The following NPRL3 variants were observed in gnomAD, a reference collection of about 807,000 sequenced individuals.
NPRL3 encodes the protein GATOR1 complex protein NPRL3.
In NPRL3, 23 loss-of-function variants were observed where a neutral mutation model predicts 57.2. The observed-to-expected ratio is 0.40, with a 90% CI of 0.29 to 0.57. The LOEUF is 0.57. Among genes scored for constraint, NPRL3 ranks in the 20% least tolerant of loss-of-function variants. The pLI is 0.42. For synonymous variants in NPRL3, 333 were observed against 321.1 expected (o/e 1.04, Z -0.39); for missense variants, 691 against 767.1 (o/e 0.90, Z 1.17).
intron 7 of NPRL3, among the ~76,000 whole-genome samples, chr16:102,928 T>TG (rs1393412732): frequency 6.6e-6 from 1 of 152,052 alleles, no homozygotes; most frequent in Non-Finnish European, 1.5e-5. Context: ...AAAACTCGTA[T>TG]CAAACCCTGA....
intron 7 of NPRL3, among the ~76,000 whole-genome samples, chr16:109,382 A>T (rs544794713): frequency 2.4e-4 from 37 of 151,686 alleles, no homozygotes; most frequent in African/African-American, 8.9e-4. Context: ...GCAAACCCCA[A>T]CTCTCTCAGA....
chr16:115,846 A>G (rs905971032), intron 5 of NPRL3, among the ~76,000 whole-genome samples: 3 of 152,000 alleles, frequency 2.0e-5, no homozygotes, highest in African/African-American at 7.2e-5. Context: ...TCTGATCTCC[A>G]TTTCTCACCC....
Position 86,092 on chromosome 16 carries a change from C to G in NPRL3, c.*613G>C. ...GCCTAGCAGGGCCAGCCCAGGCCCTCGTGCCCCAGATGGTCAGGACCAGGT... is the reference window on the plus strand; with the variant it reads ...GCCTAGCAGGGCCAGCCCAGGCCCTGGTGCCCCAGATGGTCAGGACCAGGT... On this transcript the variant is annotated 3_prime_UTR_variant, in exon 14 of 14. Transcript: ENST00000611875. 1 of 278,372 alleles carries G rather than the reference C, an allele frequency of 3.6e-6. No homozygotes were observed. Among genetic ancestry groups the G allele is most frequent in the Non-Finnish European group, 6.7e-6 (1 of 149,572 alleles). 17.2% of individuals were successfully genotyped at this position (278,372 alleles called of 1,614,324 possible).
intron 4 of NPRL3, among the ~76,000 whole-genome samples, chr16:118,482 A>C (rs1900141872): frequency 6.6e-6 from 1 of 152,150 alleles, no homozygotes; most frequent in East Asian, 1.9e-4. Flanking sequence ...TAGAAAATTC[A>C]AGGGTTTCAC....
intron 2 of NPRL3, among the ~76,000 whole-genome samples, chr16:131,423 G>T (rs1900787233): frequency 7.3e-6 from 1 of 136,640 alleles, no homozygotes; most frequent in Admixed American, 7.3e-5. Context: ...AGCTTGCAGT[G>T]AGCCAAGATC....
At chr16:119,464 G>C in intron 3 of NPRL3, 1 of 588,852 alleles carries the variant, frequency 1.7e-6, no homozygotes. Flanking sequence ...AAGGTAAAAG[G>C]CATGAGAAGC....
chr16:112,826 C>T (rs1678287301), intron 5 of NPRL3, 51 bp from the exon 6 acceptor site: 10 of 1,496,692 alleles, frequency 6.7e-6, no homozygotes, highest in East Asian at 2.3e-5. Context: ...AGGGACACAG[C>T]TGGACACAGT....
chr16:120,124 G>A (rs1038058860), intron 3 of NPRL3, among the ~76,000 whole-genome samples: 6 of 152,114 alleles, frequency 3.9e-5, no homozygotes, highest in African/African-American at 9.7e-5. Context: ...GAGGGCCTCC[G>A]CTCTAGAAAC....
chr16:127,138 C>G (rs1279655754), intron 3 of NPRL3: 1 of 152,486 alleles, frequency 6.6e-6, no homozygotes, highest in East Asian at 1.9e-4. Context: ...TCCCAAAGTG[C>G]TGGGATTACA....
intron 7 of NPRL3, among the ~76,000 whole-genome samples, chr16:103,148 T>G (rs1300555390): frequency 2.0e-5 from 3 of 151,776 alleles, no homozygotes; most frequent in Admixed American, 2.0e-4. Flanking sequence ...GTCTATTTTT[T>G]TTTTCTTTTT....
intron 13 of NPRL3, among the ~76,000 whole-genome samples, chr16:87,223 C>CA (rs1361664055): frequency 1.3e-5 from 2 of 151,484 alleles, no homozygotes; most frequent in Non-Finnish European, 2.9e-5. Context: ...GCCAAATGGT[C>CA]ACTGCTTTTT....
chr16:119,333 A>T (rs1900188291), intron 3 of NPRL3, 78 bp from the exon 4 acceptor site: 8 of 1,439,972 alleles, frequency 5.6e-6, no homozygotes, highest in African/African-American at 4.2e-5. Flanking sequence ...CCCAGAGCGG[A>T]AGGGTCTCAG....
intron 9 of NPRL3, among the ~76,000 whole-genome samples, chr16:95,568 G>T (rs1051291115): frequency 1.3e-5 from 2 of 151,756 alleles, no homozygotes; most frequent in African/African-American, 4.8e-5. Context: ...TAAACATGAA[G>T]AATTTTATTT....
At chr16:95,926 G>A (rs1898985237) in intron 9 of NPRL3, among the ~76,000 whole-genome samples, 1 of 152,168 alleles carries the variant, frequency 6.6e-6, no homozygotes, top group African/African-American at 2.4e-5. Flanking sequence ...GTGCTCCCCA[G>A]GGGGCTATCT....
intron 4 of NPRL3, among the ~76,000 whole-genome samples, chr16:117,586 G>GC (rs551930970): frequency 8.9e-4 from 136 of 152,116 alleles, no homozygotes; most frequent in South Asian, 1.9e-3. Flanking sequence ...TGACCCCCTC[G>GC]CCCCCCCGCT....
chr16:93,726 C>T (rs1403110497), intron 9 of NPRL3, among the ~76,000 whole-genome samples: 1 of 152,158 alleles, frequency 6.6e-6, no homozygotes, highest in Non-Finnish European at 1.5e-5. Context: ...CCACCACGCC[C>T]AGCTAATTTT....
At chr16:125,742 AG>A (rs2141972447) in intron 3 of NPRL3, 1 of 152,380 alleles carries the variant, frequency 6.6e-6, no homozygotes, top group Admixed American at 6.5e-5. Flanking sequence ...GGCTGGGCAG[AG>A]GGAAGTGCCC....
In NPRL3 at chr16:85,785, G is replaced by C. The variant is rs1898438712; in HGVS notation, c.*920C>G. On this transcript the variant is annotated 3_prime_UTR_variant, in exon 14 of 14. Transcript: ENST00000611875. ...CAGGACACACAGGCCTGAGCAAAGG[G>C]CCTGCCCAGACAAGATTTTTTAATT... 1 of 1,476,438 alleles carries C rather than the reference G, an allele frequency of 6.8e-7. No individual in the cohort carries two copies. The highest frequency in any genetic ancestry group is 9.0e-7 in the Non-Finnish European group (1 of 1,111,952). 91.5% of individuals were successfully genotyped at this position (1,476,438 alleles called of 1,614,324 possible). A position where few individuals can be genotyped will look rare whatever the true frequency, so the allele number is the denominator to read the frequency against.
chr16:123,476 C>T (rs1275218745), intron 3 of NPRL3: 2 of 470,532 alleles, frequency 4.3e-6, no homozygotes, highest in African/African-American at 2.0e-5. Context: ...GGAATCAAGA[C>T]AGAAAGACGG....
Sources: gnomAD v4.1 joint callset for allele counts (sites outside exome capture counted in the v4.1 genomes callset) on GRCh38, gnomAD v4.1.1 for gene constraint, MANE v1.5 for transcripts, NCBI Gene and HGNC (gene_info 2026-07-23, HGNC 2026-07-21) for gene names.